Variants in EPHA5 observed in about 807,000 individuals in gnomAD.
EPHA5 encodes ephrin type-A receptor 5.
Under a neutral mutation model 105.0 loss-of-function variants are expected in EPHA5, and 60 were observed. The observed-to-expected ratio is 0.57, with a 90% CI of 0.46 to 0.71. The LOEUF is 0.71. EPHA5 is among the 30% of genes least tolerant of loss of function. The probability of loss-of-function intolerance (pLI) is 0.00; values close to 1 mark genes in which losing one functional copy is unlikely to be tolerated. For missense variants in EPHA5, 1,218 were observed against 1,274.7 expected (o/e 0.96, Z 0.68); for synonymous variants, 513 against 449.1 (o/e 1.14, Z -1.80).
At chr4:65,511,935 G>A (rs1347688460) in intron 3 of EPHA5, among the ~76,000 whole-genome samples, 3 of 152,104 alleles carry the variant, frequency 2.0e-5, no homozygotes, top group African/African-American at 7.2e-5. Context: ...AAAATAACCA[G>A]TAGTCAAGTG....
intron 8 of EPHA5, among the ~76,000 whole-genome samples, chr4:65,387,599 A>G (rs1720233778): frequency 6.6e-6 from 1 of 151,900 alleles, no homozygotes; most frequent in Non-Finnish European, 1.5e-5. Context: ...CTGGCCCACT[A>G]CTTCCCAAAT....
At chr4:65,446,338 A>T (rs1211289144) in intron 5 of EPHA5, among the ~76,000 whole-genome samples, 1 of 152,202 alleles carries the variant, frequency 6.6e-6, no homozygotes, top group Non-Finnish European at 1.5e-5. Flanking sequence ...TTGTTCATTT[A>T]ATCATTACTT....
chr4:65,562,888 G>A (rs1037981770), intron 3 of EPHA5, among the ~76,000 whole-genome samples: 1 of 151,888 alleles, frequency 6.6e-6, no homozygotes, highest in African/African-American at 2.4e-5. Context: ...GAGGCGGGAG[G>A]ATTGCTAGAA....
intron 15 of EPHA5, among the ~76,000 whole-genome samples, chr4:65,334,452 C>A (rs6851828): frequency 0.1 from 15,208 of 151,728 alleles, 999 homozygotes; most frequent in African/African-American, 0.17. Context: ...AGCACAAGGT[C>A]GATTTGAGAA....
chr4:65,575,500 A>G (rs1277327734), intron 3 of EPHA5, among the ~76,000 whole-genome samples: 1 of 152,198 alleles, frequency 6.6e-6, no homozygotes, highest in Non-Finnish European at 1.5e-5. Flanking sequence ...AAAGAGATGG[A>G]ACCATTAGAG....
intron 5 of EPHA5, among the ~76,000 whole-genome samples, chr4:65,482,155 G>T (rs1007350672): frequency 6.6e-6 from 1 of 151,852 alleles, no homozygotes; most frequent in Admixed American, 6.6e-5. Context: ...AATATTAGCC[G>T]GGCCTTGTGG....
intron 6 of EPHA5, among the ~76,000 whole-genome samples, chr4:65,418,346 T>C (rs1156473189): frequency 2.0e-5 from 3 of 152,174 alleles, no homozygotes; most frequent in Non-Finnish European, 4.4e-5. Context: ...ATTGTAGACC[T>C]CTGGAATTTG....
At chr4:65,655,592 A>G (rs908503592) in intron 1 of EPHA5, among the ~76,000 whole-genome samples, 8 of 152,156 alleles carry the variant, frequency 5.3e-5, no homozygotes, top group African/African-American at 1.7e-4. Flanking sequence ...TTCCAGTGTC[A>G]GTACACATCT....
At chr4:65,493,551 C>T (rs921784175) in intron 4 of EPHA5, among the ~76,000 whole-genome samples, 4 of 152,084 alleles carry the variant, frequency 2.6e-5, no homozygotes, top group African/African-American at 7.2e-5. Flanking sequence ...CACACACACT[C>T]ATAGATTATG....
chr4:65,433,225 A>G (rs1395617223), intron 5 of EPHA5, among the ~76,000 whole-genome samples: 1 of 152,206 alleles, frequency 6.6e-6, no homozygotes, highest in Non-Finnish European at 1.5e-5. Flanking sequence ...CCATGATATA[A>G]ATAGTTTCAT....
Position 65,321,806 on chromosome 4 carries a change from A to C in EPHA5, c.*2308T>G. 1 of 227,596 alleles carries C rather than the reference A, an allele frequency of 4.4e-6. No individual in the cohort carries two copies. Among genetic ancestry groups the C allele is most frequent in the Non-Finnish European group, 8.7e-6 (1 of 114,466 alleles). The allele number at this position is 227,596 out of a possible 1,614,324, so 14.1% of individuals were successfully genotyped here. On this transcript the variant is annotated 3_prime_UTR_variant, in exon 17 of 17. Transcript: ENST00000613740. The stretch of plus-strand genomic sequence containing the variant: ...TATAAAGTTGGAAAACAATGTAGAA[A>C]ATATCTTTGTTATGTCTAAGCAATT...
chr4:65,335,444 G>T (rs545515259), intron 15 of EPHA5, among the ~76,000 whole-genome samples: 1 of 152,102 alleles, frequency 6.6e-6, no homozygotes, highest in South Asian at 2.1e-4. Context: ...AAAAATCTGT[G>T]TGCAACTGGA....
intron 7 of EPHA5, among the ~76,000 whole-genome samples, chr4:65,405,908 T>G (rs1722313630): frequency 6.6e-6 from 1 of 152,102 alleles, no homozygotes. Flanking sequence ...TTCTCCTTCT[T>G]TTTTTGGCAG....
At chr4:65,333,923 C>T (rs926043066) in intron 15 of EPHA5, among the ~76,000 whole-genome samples, 1 of 151,644 alleles carries the variant, frequency 6.6e-6, no homozygotes, top group Non-Finnish European at 1.5e-5. Flanking sequence ...CCACCTCTTC[C>T]CTGTCCTCAT....
At chr4:65,447,034 T>C (rs1405024096) in intron 5 of EPHA5, among the ~76,000 whole-genome samples, 1 of 147,576 alleles carries the variant, frequency 6.8e-6, no homozygotes, top group Non-Finnish European at 1.5e-5. Flanking sequence ...TCACTCAGGC[T>C]GGTGTGCAGT....
At chr4:65,400,149 T>C in intron 8 of EPHA5, among the ~76,000 whole-genome samples, 1 of 152,148 alleles carries the variant, frequency 6.6e-6, no homozygotes. Context: ...GACTGGTCAA[T>C]TAAACATTTA....
At position 65,495,441 on chromosome 4, in the gene EPHA5, C is replaced by T. The variant is rs2149225816; in HGVS notation, c.1013G>A (p.Cys338Tyr). The T allele has an allele frequency of 6.2e-7, 1 of 1,613,874 alleles. No homozygotes were observed. Among genetic ancestry groups the T allele is most frequent in the Non-Finnish European group, 8.5e-7 (1 of 1,179,852 alleles). The change falls in exon 4 of 17, where the codon TGT becomes TAT. Residue 338 changes from cysteine to tyrosine, a missense_variant. Physicochemically the swap from Cys to Tyr is radical, Grantham distance 194. Coordinates refer to ENST00000613740, the MANE Select transcript of EPHA5 (RefSeq NM_001281766.3). ...CTCTCTCCTGAAATAATCCTTTTCACAGACACAAGAGGTTGAAGCTTCCTC... is the reference window on the plus strand; with the variant it reads ...CTCTCTCCTGAAATAATCCTTTTCATAGACACAAGAGGTTGAAGCTTCCTC... ...THEEASTSCVCEKDYFRRESD... is the reference protein window; with the variant it reads ...THEEASTSCVYEKDYFRRESD...
chr4:65,425,991 C>T (rs1295688375), intron 5 of EPHA5, among the ~76,000 whole-genome samples: 1 of 152,008 alleles, frequency 6.6e-6, no homozygotes, highest in Non-Finnish European at 1.5e-5. Context: ...AATGTATAAC[C>T]GCGTCCACCC....
At chr4:65,458,934 A>G (rs1417668098) in intron 5 of EPHA5, among the ~76,000 whole-genome samples, 1 of 152,106 alleles carries the variant, frequency 6.6e-6, no homozygotes, top group Non-Finnish European at 1.5e-5. Flanking sequence ...AAATCAAAAT[A>G]TCTTTCTCTT....
Sources: gnomAD v4.1 joint callset for allele counts (sites outside exome capture counted in the v4.1 genomes callset) on GRCh38, gnomAD v4.1.1 for gene constraint, MANE v1.5 for transcripts, NCBI Gene and HGNC (gene_info 2026-07-23, HGNC 2026-07-21) for gene names.